The following NEO1 variants were observed in gnomAD, a reference collection of about 807,000 sequenced individuals.
The protein encoded by NEO1 is neogenin.
In NEO1, 63 loss-of-function variants were observed where a neutral mutation model predicts 159.7. The ratio of observed to expected loss-of-function variants is 0.39; its 90% CI spans 0.32 to 0.49. The LOEUF is 0.49. NEO1 is among the 20% of genes least tolerant of loss of function. NEO1 has a pLI of 0.85. For missense variants in NEO1, 1,615 were observed against 1,831.0 expected, an observed-to-expected ratio of 0.88 and a Z score of 2.15; for synonymous variants, 633 against 662.0, an observed-to-expected ratio of 0.96 and a Z score of 0.67.
intron 1 of NEO1, among the ~76,000 whole-genome samples, chr15:73,114,087 G>T (rs1436266927): frequency 1.3e-5 from 2 of 152,170 alleles, no homozygotes; most frequent in African/African-American, 2.4e-5. Context: ...CACCATGCTT[G>T]CTTAGAACAG....
At chr15:73,068,598 G>C (rs1164966686) in intron 1 of NEO1, among the ~76,000 whole-genome samples, 1 of 152,012 alleles carries the variant, frequency 6.6e-6, no homozygotes. Context: ...TCATGGGTCC[G>C]TCCACATATG....
At chr15:73,301,184 T>A in intron 27 of NEO1, 137 bp from the exon 28 acceptor site, 1 of 1,096,814 alleles carries the variant, frequency 9.1e-7, no homozygotes, top group South Asian at 1.6e-5. Flanking sequence ...CTTATTCCAG[T>A]AACTTTTCAG....
chr15:73,158,208 CTTTTTTTTTT>C (rs1047852394), intron 5 of NEO1, among the ~76,000 whole-genome samples: 1 of 82,550 alleles, frequency 1.2e-5, no homozygotes, highest in South Asian at 5.7e-4. Flanking sequence ...GAGTGAGACT[CTTTTTTTTTT>C]TTTTTTTTTT....
rs2067992420 is a variant in NEO1 at position 73,061,792 on chromosome 15, TAAC to T, written c.130+8990_130+8992del. On this transcript the variant is annotated intron_variant, in intron 1 of 28. Transcript: ENST00000261908. Reference sequence around the variant, plus strand: ...ATATCTGGTACATATATAACAACAATAACAAGTTGGATTTTGCTGTGCACACTG... The same window carrying T: ...ATATCTGGTACATATATAACAACAATAAGTTGGATTTTGCTGTGCACACTG... Among the ~76,000 whole-genome samples the T allele has an allele frequency of 2.0e-5, 3 of 152,320 alleles. No homozygotes were observed. In the South Asian group the frequency reaches 6.2e-4, roughly 32 times the overall value.
chr15:73,164,506 C>T (rs996777693), intron 5 of NEO1, among the ~76,000 whole-genome samples: 3 of 152,282 alleles, frequency 2.0e-5, no homozygotes, highest in East Asian at 1.9e-4. Flanking sequence ...TAAGCCACCA[C>T]GCCCAGCCTC....
At chr15:73,296,697 C>T (rs1007015439) in intron 26 of NEO1, among the ~76,000 whole-genome samples, 2 of 152,082 alleles carry the variant, frequency 1.3e-5, no homozygotes, top group African/African-American at 4.8e-5. Flanking sequence ...GGCCTGAAGT[C>T]GCATATAGTA....
intron 5 of NEO1, among the ~76,000 whole-genome samples, chr15:73,174,764 A>T (rs967807673): frequency 7.2e-5 from 11 of 152,176 alleles, no homozygotes; most frequent in Non-Finnish European, 1.3e-4. Flanking sequence ...AAACACTCTA[A>T]TTGGAAAAAC....
chr15:73,181,637 C>T (rs2035618610), intron 7 of NEO1, among the ~76,000 whole-genome samples: 2 of 151,864 alleles, frequency 1.3e-5, no homozygotes, highest in African/African-American at 4.8e-5. Flanking sequence ...TGGGGGGGTG[C>T]CACACACTTT....
At chr15:73,247,319 C>G (rs1322327496) in intron 9 of NEO1, among the ~76,000 whole-genome samples, 1 of 152,142 alleles carries the variant, frequency 6.6e-6, no homozygotes, top group Non-Finnish European at 1.5e-5. Flanking sequence ...TATTATGCCA[C>G]TGTACAGCTG....
At chr15:73,287,765 C>A (rs899980755) in intron 23 of NEO1, among the ~76,000 whole-genome samples, 2 of 152,008 alleles carry the variant, frequency 1.3e-5, no homozygotes, top group Non-Finnish European at 2.9e-5. Flanking sequence ...CCTGTAATCC[C>A]AGCTACTCAG....
chr15:73,196,220 G>C (rs946207539), intron 7 of NEO1, among the ~76,000 whole-genome samples: 1 of 152,164 alleles, frequency 6.6e-6, no homozygotes, highest in Non-Finnish European at 1.5e-5. Flanking sequence ...GAGTGCTTTT[G>C]ATGTCAGGAA....
intron 8 of NEO1, among the ~76,000 whole-genome samples, chr15:73,238,535 C>G (rs775771636): frequency 6.6e-6 from 1 of 151,162 alleles, no homozygotes; most frequent in African/African-American, 2.4e-5. Flanking sequence ...ATGTCTCTGT[C>G]TTAAATTATA....
Position 73,298,692 on chromosome 15 carries a change from T to C in NEO1, c.4165+81T>C, listed in dbSNP as rs1174100419. On this transcript the variant is annotated intron_variant, in intron 27 of 28. Transcript: ENST00000261908. ...TCAAGCTTGGGACAAAGCCACCCCT[T>C]CTTTGAAGTATAGCAAAGCAAATAT... 3.9e-6 allele frequency: 6 copies of C among 1,553,812 alleles called. No individual in the cohort carries two copies. In the East Asian group the frequency reaches 1.4e-4, roughly 35 times the overall value.
chr15:73,244,975 AAAAAAAAAC>A (rs2039698831), intron 9 of NEO1, among the ~76,000 whole-genome samples: 1 of 148,138 alleles, frequency 6.8e-6, no homozygotes, highest in Non-Finnish European at 1.5e-5. Flanking sequence ...AAAAAAAAAA[AAAAAAAAAC>A]AACAGCAAAT....
At chr15:73,270,581 C>T in intron 18 of NEO1, 127 bp downstream of exon 18, 1 of 1,051,130 alleles carries the variant, frequency 9.5e-7, no homozygotes, top group South Asian at 1.7e-5. Context: ...TTTGCTATTT[C>T]AGCTGACAAG....
chr15:73,156,793 C>T (rs557211954), intron 5 of NEO1, among the ~76,000 whole-genome samples: 1 of 152,180 alleles, frequency 6.6e-6, no homozygotes, highest in South Asian at 2.1e-4. Context: ...CTTCCCTCTG[C>T]GGAGTAGGGG....
chr15:73,145,921 T>G (rs2032857319), intron 5 of NEO1, among the ~76,000 whole-genome samples: 1 of 152,156 alleles, frequency 6.6e-6, no homozygotes, highest in Non-Finnish European at 1.5e-5. Flanking sequence ...GAGTGCATGA[T>G]TGTCATTGCT....
chr15:73,243,034 T>G (rs2039572700), intron 8 of NEO1, among the ~76,000 whole-genome samples: 1 of 152,186 alleles, frequency 6.6e-6, no homozygotes, highest in Admixed American at 6.5e-5. Flanking sequence ...TGATCCTTCC[T>G]TATAAATCCT....
intron 23 of NEO1, among the ~76,000 whole-genome samples, chr15:73,285,593 C>T (rs1025533752): frequency 1.3e-5 from 2 of 152,138 alleles, no homozygotes; most frequent in Non-Finnish European, 2.9e-5. Context: ...TTTCTTACTA[C>T]TTTTCTTCCT....
Sources: gnomAD v4.1 joint callset for allele counts (sites outside exome capture counted in the v4.1 genomes callset) on GRCh38, gnomAD v4.1.1 for gene constraint, MANE v1.5 for transcripts, NCBI Gene and HGNC (gene_info 2026-07-23, HGNC 2026-07-21) for gene names.